SLC35F3: variants seen among roughly 807,000 people sequenced by gnomAD.
The protein encoded by SLC35F3 is putative thiamine transporter SLC35F3.
A neutral mutation model predicts 49.9 loss-of-function variants in SLC35F3; 25 were observed. The observed-to-expected ratio is 0.50, with a 90% CI of 0.37 to 0.70. The LOEUF (loss-of-function observed/expected upper bound fraction) is 0.70. SLC35F3 is among the 30% of genes least tolerant of loss of function. SLC35F3 has a pLI of 0.00. For missense variants in SLC35F3, 525 were observed against 639.8 expected, an observed-to-expected ratio of 0.82 and a Z score of 1.94; for synonymous variants, 275 against 265.4, an observed-to-expected ratio of 1.04 and a Z score of -0.35.
intron 2 of SLC35F3, among the ~76,000 whole-genome samples, chr1:234,162,540 G>C (rs1666245070): frequency 6.6e-6 from 1 of 151,924 alleles, no homozygotes; most frequent in African/African-American, 2.4e-5. Context: ...ACTGGGTCCA[G>C]ACCACTTTCT....
chr1:234,057,487 T>C (rs893503743), intron 2 of SLC35F3, among the ~76,000 whole-genome samples: 3 of 152,226 alleles, frequency 2.0e-5, no homozygotes, highest in African/African-American at 7.2e-5. Flanking sequence ...ATGCAATTGA[T>C]TTTTTATCCT....
At chr1:234,140,728 C>G (rs1300518277) in intron 2 of SLC35F3, among the ~76,000 whole-genome samples, 2 of 152,204 alleles carry the variant, frequency 1.3e-5, no homozygotes, top group African/African-American at 2.4e-5. Flanking sequence ...TTACTCACCC[C>G]TCCTTTGTAT....
chr1:233,997,867 T>C (rs1663485928), intron 2 of SLC35F3, among the ~76,000 whole-genome samples: 1 of 152,070 alleles, frequency 6.6e-6, no homozygotes, highest in Non-Finnish European at 1.5e-5. Flanking sequence ...TTCTCCTTCC[T>C]CAGCTTCCCA....
intron 2 of SLC35F3, among the ~76,000 whole-genome samples, chr1:234,124,360 C>G (rs1265413007): frequency 6.6e-6 from 1 of 152,198 alleles, no homozygotes; most frequent in African/African-American, 2.4e-5. Flanking sequence ...ACCCACAGCT[C>G]ACATTTATAC....
chr1:234,199,639 A>G lies in SLC35F3; in HGVS notation c.284-31778A>G, dbSNP rs571007438. ...AGGCAACAAAAGCAAAAACAGTCAT[A>G]TGGGATTACATCAACATAAAAAGTT... On this transcript the variant is annotated intron_variant, in intron 2 of 7. Coordinates refer to ENST00000366618, the MANE Select transcript of SLC35F3 (RefSeq NM_173508.4). Among the ~76,000 whole-genome samples the G allele has an allele frequency of 3.3e-5, 5 of 152,346 alleles. No homozygotes were observed. In the South Asian group the frequency reaches 1.0e-3, roughly 32 times the overall value.
Position 234,214,251 on chromosome 1 carries a change from T to TGC in SLC35F3, c.284-17160_284-17159dup. ...GCAGCAACCTCCAAGTAGGAGGCTG[T>TGC]GCGCGCGTGTGTGTGGAGTGGCTGC... is the stretch of plus-strand genomic sequence containing the variant. On this transcript the variant is annotated intron_variant, in intron 2 of 7. Transcript: ENST00000366618. The surrounding 1 kb of genome is among the most constrained non-coding windows in gnomAD (Gnocchi z 8.0). 1 of 1,245,660 alleles carries TGC rather than the reference T, an allele frequency of 8.0e-7. No homozygotes were observed. The allele number at this position is 1,245,660 out of a possible 1,614,324, so 77.2% of individuals were successfully genotyped here.
intron 4 of SLC35F3, among the ~76,000 whole-genome samples, chr1:234,311,677 A>C (rs1274134380): frequency 6.6e-6 from 1 of 152,232 alleles, no homozygotes; most frequent in African/African-American, 2.4e-5. Context: ...GTATGGTATG[A>C]GAGGGTGAGA....
chr1:233,964,520 TA>T (rs1662865093), intron 2 of SLC35F3, among the ~76,000 whole-genome samples: 1 of 152,118 alleles, frequency 6.6e-6, no homozygotes, highest in Non-Finnish European at 1.5e-5. Context: ...AACAAGAAGT[TA>T]AATATGGAGC....
At chr1:234,238,176 G>A (rs997878234) in intron 3 of SLC35F3, among the ~76,000 whole-genome samples, 10 of 152,356 alleles carry the variant, frequency 6.6e-5, no homozygotes, top group Admixed American at 1.3e-4. Flanking sequence ...TGGCTTGAGT[G>A]TGGTGGTGAA....
In SLC35F3 at chr1:234,229,150, T is replaced by C. The variant is rs181461448; in HGVS notation, c.284-2267T>C. Among the ~76,000 whole-genome samples the C allele has an allele frequency of 7.5e-4, 114 of 152,374 alleles. 1 individual carries two copies. The highest frequency in any genetic ancestry group is 3.1e-3 in the Admixed American group (48 of 15,296). On this transcript the variant is annotated intron_variant, in intron 2 of 7. Transcript: ENST00000366618. ...GCCTCTTGAAAATTCACAATATCCA[T>C]TGACCCTGAATATTCCTACAGCAAA...
chr1:234,275,415 A>G (rs576963355), intron 3 of SLC35F3, among the ~76,000 whole-genome samples: 4 of 152,176 alleles, frequency 2.6e-5, no homozygotes, highest in Admixed American at 2.6e-4. Context: ...TATCTCATTC[A>G]TTAAGATATC....
intron 2 of SLC35F3, among the ~76,000 whole-genome samples, chr1:233,982,695 C>CT (rs1026578339): frequency 3.3e-5 from 5 of 152,108 alleles, no homozygotes; most frequent in African/African-American, 7.2e-5. Flanking sequence ...ATACCCACAT[C>CT]TTTTTTTTGT....
At chr1:234,092,397 CT>C (rs1665056647) in intron 2 of SLC35F3, among the ~76,000 whole-genome samples, 1 of 152,100 alleles carries the variant, frequency 6.6e-6, no homozygotes, top group Non-Finnish European at 1.5e-5. Flanking sequence ...GAGAGGACCC[CT>C]CTCCCACCCC....
intron 2 of SLC35F3, among the ~76,000 whole-genome samples, chr1:234,129,812 G>A (rs180855360): frequency 1.3e-5 from 2 of 152,190 alleles, no homozygotes; most frequent in East Asian, 1.9e-4. Context: ...AATGCAATAC[G>A]GAAAGAATGT....
chr1:234,238,062 T>A (rs1368405057), intron 3 of SLC35F3, among the ~76,000 whole-genome samples: 6 of 152,212 alleles, frequency 3.9e-5, no homozygotes, highest in Non-Finnish European at 8.8e-5. Context: ...CATTCATAAC[T>A]CTTACAGTTG....
intron 2 of SLC35F3, among the ~76,000 whole-genome samples, chr1:233,906,176 G>C (rs2102779217): frequency 6.6e-6 from 1 of 152,332 alleles, no homozygotes; most frequent in East Asian, 1.9e-4. Flanking sequence ...ACATAGCCAG[G>C]ATTTTAACTC....
intron 4 of SLC35F3, among the ~76,000 whole-genome samples, chr1:234,316,329 G>A (rs560556200): frequency 3.4e-4 from 52 of 152,292 alleles, no homozygotes; most frequent in African/African-American, 1.2e-3. Context: ...GAATCGCAGT[G>A]ACTGGCCACC....
intron 2 of SLC35F3, among the ~76,000 whole-genome samples, chr1:234,151,754 A>G (rs1226762131): frequency 1.3e-5 from 2 of 152,158 alleles, no homozygotes; most frequent in Non-Finnish European, 2.9e-5. Context: ...AATATTGAAG[A>G]TGGGCAAAAA....
chr1:234,232,546 A>AG (rs1220642813), intron 3 of SLC35F3, among the ~76,000 whole-genome samples: 4 of 150,558 alleles, frequency 2.7e-5, no homozygotes, highest in Non-Finnish European at 4.4e-5. Flanking sequence ...AAAAAGAAAA[A>AG]GAAAAAAAGA....
Sources: gnomAD v4.1 joint callset for allele counts (sites outside exome capture counted in the v4.1 genomes callset) on GRCh38, gnomAD v4.1.1 for gene constraint, Gnocchi (gnomAD v3.1) non-coding constraint, MANE v1.5 for transcripts, NCBI Gene and HGNC (gene_info 2026-07-23, HGNC 2026-07-21) for gene names.